Variants in OFD1 observed in about 807,000 individuals in gnomAD.
OFD1 encodes the protein centriole and centriolar satellite protein OFD1.
Under a neutral mutation model 81.4 loss-of-function variants are expected in OFD1, and 12 were observed. That is an observed-to-expected ratio of 0.15 (90% CI 0.09 to 0.24). The LOEUF (loss-of-function observed/expected upper bound fraction) is 0.24, where lower values mean the gene tolerates loss of function less well. Among genes scored for constraint, OFD1 ranks in the 10% least tolerant of loss-of-function variants. OFD1 has a pLI of 1.00. For synonymous variants in OFD1, 256 were observed against 263.7 expected, an observed-to-expected ratio of 0.97 and a Z score of 0.28; for missense variants, 685 against 733.9, an observed-to-expected ratio of 0.93 and a Z score of 0.77.
At chrX:13,739,539 A>T (rs1325899042) in intron 5 of OFD1, among the ~76,000 whole-genome samples, 3 of 111,345 alleles carry the variant, frequency 2.7e-5, no homozygotes, top group African/African-American at 9.8e-5. Flanking sequence ...TGAGGTCGGG[A>T]GTTCGAGATC....
At chrX:13,719,846 C>A in the OFD1 span, 2 of 1,048,697 alleles carry the variant, frequency 1.9e-6, no homozygotes, top group Non-Finnish European at 2.6e-6. Context: ...CATATCATTA[C>A]AATAGCATAA....
intron 21 of OFD1, 44 bp downstream of exon 21, chrX:13,768,268 C>CA (rs2048207070): frequency 9.8e-7 from 1 of 1,019,611 alleles, no homozygotes; most frequent in Non-Finnish European, 1.4e-6. Flanking sequence ...GGGGGACATC[C>CA]AGGGCTTCCG....
At chrX:13,773,262 G>A (rs920082677), downstream of OFD1, 16 of 273,550 alleles carry the variant, frequency 5.8e-5, no homozygotes, top group East Asian at 7.9e-4. Context: ...GGAAAAAAAT[G>A]GCCAAAGGTA....
chrX:13,736,134 A>C, intron 2 of OFD1: 1 of 853,096 alleles, frequency 1.2e-6, no homozygotes, highest in Non-Finnish European at 1.4e-6. Flanking sequence ...GAAGTGGCAG[A>C]ATTTTTTCCT....
upstream of OFD1, among the ~76,000 whole-genome samples, chrX:13,732,937 G>A (rs2146886345): frequency 8.9e-6 from 1 of 112,677 alleles, no homozygotes; most frequent in African/African-American, 3.2e-5. Context: ...AACTGGTATG[G>A]CATGGGACAT....
the OFD1 span, among the ~76,000 whole-genome samples, chrX:13,719,327 A>G: frequency 9.0e-6 from 1 of 110,735 alleles, no homozygotes; most frequent in Non-Finnish European, 1.9e-5. Flanking sequence ...ATTCTTGACA[A>G]GCAAGTTGGG....
At chrX:13,745,096 C>T (rs748748629) in intron 6 of OFD1, among the ~76,000 whole-genome samples, 6 of 112,138 alleles carry the variant, frequency 5.4e-5, no homozygotes, top group East Asian at 2.8e-4. Flanking sequence ...CTGTTTAAAA[C>T]GATATGCTTA....
intron 8 of OFD1, among the ~76,000 whole-genome samples, chrX:13,749,107 G>GT (rs765336552): frequency 1.1e-5 from 1 of 91,428 alleles, no homozygotes; most frequent in African/African-American, 4.1e-5. Flanking sequence ...GTGTGACAGA[G>GT]TGAGACCCTG....
rs1171243553 is a variant in OFD1 at position 13,755,177 on chromosome X, C to T, written c.1156C>T (p.Leu386Phe). 8.3e-7 allele frequency: 1 copy of T among 1,206,113 alleles called. No individual in the cohort carries two copies. Among genetic ancestry groups the T allele is most frequent in the South Asian group, 1.8e-5 (1 of 56,896 alleles). ...AAAAGCTGTTCATTTGCAAGAGGAG[C>T]TCATAGCTATTAATTCAAAAAAGGA... ...KEKAVHLQEE[L>F]IAINSKKEEL... is the part of the protein sequence containing the mutation. Residue 386 changes from leucine to phenylalanine, a missense_variant, in exon 12 of 23, where the codon CTC (leucine) becomes TTC (phenylalanine). Coordinates refer to ENST00000340096, the MANE Select transcript of OFD1 (RefSeq NM_003611.3).
At chrX:13,742,681 G>T (rs998657760) in intron 5 of OFD1, among the ~76,000 whole-genome samples, 2 of 110,543 alleles carry the variant, frequency 1.8e-5, no homozygotes, top group Non-Finnish European at 3.8e-5. Context: ...CTGCCACCAC[G>T]CCTGGCTAAT....
chrX:13,770,577 T>A (rs1279388202), downstream of OFD1, among the ~76,000 whole-genome samples: 2 of 112,567 alleles, frequency 1.8e-5, no homozygotes, highest in Non-Finnish European at 3.8e-5. Context: ...CAATAGACTT[T>A]TGTACCTTTG....
At chrX:13,718,408 G>C in the OFD1 span, among the ~76,000 whole-genome samples, 1 of 112,902 alleles carries the variant, frequency 8.9e-6, no homozygotes, top group East Asian at 2.8e-4. Flanking sequence ...GAAGAATTAG[G>C]AGCAAACTGA....
the OFD1 span, among the ~76,000 whole-genome samples, chrX:13,728,247 T>C: frequency 8.9e-6 from 1 of 112,174 alleles, no homozygotes; most frequent in East Asian, 2.8e-4. Flanking sequence ...CTAACTCATT[T>C]TATGAAGCCA....
downstream of OFD1, chrX:13,772,857 C>T (rs765931805): frequency 6.7e-6 from 8 of 1,200,023 alleles, no homozygotes; most frequent in African/African-American, 3.5e-5. Context: ...GTAAATACGT[C>T]GGCCGAAACA....
chrX:13,769,904 C>T (rs987703249), downstream of OFD1, among the ~76,000 whole-genome samples: 1 of 112,185 alleles, frequency 8.9e-6, no homozygotes, highest in African/African-American at 3.2e-5. Context: ...GTAAGAAATA[C>T]ATTTCTGGTC....
At chrX:13,727,479 C>T in the OFD1 span, among the ~76,000 whole-genome samples, 1 of 112,273 alleles carries the variant, frequency 8.9e-6, no homozygotes, top group Non-Finnish European at 1.9e-5. Flanking sequence ...GGAAATTGAA[C>T]AACTTGCTCC....
chrX:13,733,698 A>G (rs766553527), upstream of OFD1, among the ~76,000 whole-genome samples: 3 of 111,601 alleles, frequency 2.7e-5, no homozygotes, highest in East Asian at 5.6e-4. Context: ...TTCCCAGCAC[A>G]CAACTCTGGA....
chrX:13,760,684 G>A lies in OFD1; in HGVS notation c.2224G>A (p.Ala742Thr), dbSNP rs1569151549. Residue 742 changes from alanine (A) to threonine (T), a missense_variant, in exon 16 of 23, where the codon GCA becomes ACA. Around this residue, in one of 3 missense-constraint regions of OFD1, gnomAD observed 259 missense variants for 254.4 expected, o/e 1.02. Transcript: ENST00000340096. Reference sequence around the variant, plus strand: ...CCTCTCTTCCACACCCCTTCCAAAAGCAAAAAGAAGCCTCGAAAGTGAAAT... The same window carrying A: ...CCTCTCTTCCACACCCCTTCCAAAAACAAAAAGAAGCCTCGAAAGTGAAAT... ...RRLSSTPLPK[A>T]KRSLESEMYL... 8 of 1,211,355 alleles carry A rather than the reference G, an allele frequency of 6.6e-6. No homozygotes were observed. The highest frequency in any genetic ancestry group is 7.8e-6 in the Non-Finnish European group (7 of 895,403).
chrX:13,766,114 TAGGAAATCAATCTGGGAAGAAA>T (rs1281657868), intron 19 of OFD1, among the ~76,000 whole-genome samples: 1 of 111,946 alleles, frequency 8.9e-6, no homozygotes, highest in African/African-American at 3.3e-5. Flanking sequence ...GGTGGTGATG[TAGGAAATCAATCTGGGAAGAAA>T]AGGGCAGGTT....
Sources: allele counts gnomAD v4.1 joint callset (sites outside exome capture counted in the v4.1 genomes callset), GRCh38; gene constraint gnomAD v4.1.1; regional missense constraint gnomAD v4.1.1; transcripts MANE v1.5; gene names NCBI Gene and HGNC (gene_info 2026-07-23, HGNC 2026-07-21).